The following AVEN variants were observed in gnomAD, a reference collection of about 807,000 sequenced individuals.
AVEN encodes apoptosis and caspase activation inhibitor, also known as cell death regulator Aven.
In AVEN, 41 loss-of-function variants were observed where a neutral mutation model predicts 38.1. That is an observed-to-expected ratio of 1.08 (90% CI 0.84 to 1.40). The LOEUF (loss-of-function observed/expected upper bound fraction) is 1.40. Among genes scored for constraint, AVEN ranks in the 40% most tolerant of loss-of-function variants. AVEN has a pLI of 0.00. For synonymous variants in AVEN, 206 were observed against 171.8 expected, an observed-to-expected ratio of 1.20 and a Z score of -1.56; for missense variants, 605 against 438.8, an observed-to-expected ratio of 1.38 and a Z score of -3.38.
At chr15:33,993,203 C>T (rs971703763) in intron 2 of AVEN, among the ~76,000 whole-genome samples, 8 of 152,124 alleles carry the variant, frequency 5.3e-5, no homozygotes, top group Admixed American at 2.0e-4. Context: ...TTACTTTTTA[C>T]GTTTGAAGGT....
Position 33,954,603 on chromosome 15 carries a change from G to A in AVEN, c.445+48429C>T, listed in dbSNP as rs552333616. Among the ~76,000 whole-genome samples, 88 of 144,522 alleles carry A rather than the reference G, an allele frequency of 6.1e-4. 1 individual carries two copies. Among genetic ancestry groups the A allele is most frequent in the Admixed American group, 5.9e-3 (83 of 14,116 alleles). 94.8% of individuals were successfully genotyped at this position (144,522 alleles called of 152,430 possible). On this transcript the variant is annotated intron_variant, in intron 2 of 5. Transcript: ENST00000306730. ...CACTCATAGGAGGGAATTGAACAAT[G>A]AGAACACTTGGACACAGGGTGGGGA... is the stretch of plus-strand genomic sequence containing the variant.
chr15:34,074,931 C>T (rs778474922), exon 1 of AVEN, among the ~76,000 whole-genome samples: 1 of 152,126 alleles, frequency 6.6e-6, no homozygotes, highest in African/African-American at 2.4e-5. Flanking sequence ...GTAATCCCAG[C>T]ACTTTGGGAG....
At chr15:34,019,695 T>C (rs1459974010) in intron 1 of AVEN, among the ~76,000 whole-genome samples, 2 of 152,232 alleles carry the variant, frequency 1.3e-5, no homozygotes, top group African/African-American at 4.8e-5. Context: ...TATAACTGTC[T>C]ACAGTATCCA....
intron 1 of AVEN, among the ~76,000 whole-genome samples, chr15:34,023,680 T>C (rs1898310232): frequency 6.6e-6 from 1 of 152,210 alleles, no homozygotes; most frequent in South Asian, 2.1e-4. Context: ...TGTAAGCCTC[T>C]GTTGCTTGCC....
At chr15:33,899,471 T>C (rs1892396018) in intron 2 of AVEN, among the ~76,000 whole-genome samples, 1 of 120,330 alleles carries the variant, frequency 8.3e-6, no homozygotes, top group African/African-American at 3.6e-5. Context: ...TTTTTTTTTT[T>C]TTTTTTTTTT....
chr15:34,015,379 G>A (rs529996794), intron 1 of AVEN, among the ~76,000 whole-genome samples: 74 of 152,224 alleles, frequency 4.9e-4, no homozygotes, highest in South Asian at 1.5e-3. Flanking sequence ...CTACTCGGGA[G>A]GCTGAGGCAG....
intron 2 of AVEN, among the ~76,000 whole-genome samples, chr15:33,876,417 C>A (rs1289989354): frequency 7.3e-6 from 1 of 137,232 alleles, no homozygotes; most frequent in Admixed American, 7.4e-5. Context: ...ACTAAAAATA[C>A]AAAAATTAGC....
chr15:33,928,550 C>A (rs583822), intron 2 of AVEN, among the ~76,000 whole-genome samples: 104,862 of 152,004 alleles, frequency 0.69, 36,180 homozygotes, highest in East Asian at 0.73. Context: ...GAGAAACAGT[C>A]AACAAGTAGA....
At position 33,878,894 on chromosome 15, in the gene AVEN, T is replaced by C. The variant is rs533526068; in HGVS notation, c.446-2899A>G. ...ATAGATTTTTTTAAAACTGTCCAAATTGCTGAATGCCTTATTCAGTGTTGT... is the reference window on the plus strand; with the variant it reads ...ATAGATTTTTTTAAAACTGTCCAAACTGCTGAATGCCTTATTCAGTGTTGT... On this transcript the variant is annotated intron_variant, in intron 2 of 5. Coordinates refer to ENST00000306730, the MANE Select transcript of AVEN (RefSeq NM_020371.3). Among the ~76,000 whole-genome samples, 86 of 152,264 alleles carry C rather than the reference T, an allele frequency of 5.6e-4. 1 individual carries two copies. In the Middle Eastern group the frequency reaches 0.017, roughly 30 times the overall value.
At chr15:33,965,737 A>G (rs1256460132) in intron 2 of AVEN, among the ~76,000 whole-genome samples, 1 of 152,084 alleles carries the variant, frequency 6.6e-6, no homozygotes. Context: ...TATATGTATC[A>G]AAGAAAACAT....
chr15:33,895,605 A>G (rs1054123851), intron 2 of AVEN, among the ~76,000 whole-genome samples: 1 of 152,076 alleles, frequency 6.6e-6, no homozygotes, highest in African/African-American at 2.4e-5. Context: ...AATTACAGGC[A>G]TGAGCCACCA....
chr15:33,926,419 G>A lies in AVEN; in HGVS notation c.446-50424C>T, dbSNP rs141367449. Among the ~76,000 whole-genome samples, 564 of 152,238 alleles carry A rather than the reference G, an allele frequency of 3.7e-3. 2 individuals are homozygous for A. The highest frequency in any genetic ancestry group is 0.013 in the African/African-American group (541 of 41,542). Reference sequence around the variant, plus strand: ...AGGATTTGAGAGGCAGTGCAGGGGCGGTCAGGAAGTGAACCGTGGAGTCTG... The same window carrying A: ...AGGATTTGAGAGGCAGTGCAGGGGCAGTCAGGAAGTGAACCGTGGAGTCTG... On this transcript the variant is annotated intron_variant, in intron 2 of 5. Transcript: ENST00000306730.
At chr15:33,980,308 T>G (rs1051990882) in intron 2 of AVEN, among the ~76,000 whole-genome samples, 13 of 152,158 alleles carry the variant, frequency 8.5e-5, no homozygotes, top group Non-Finnish European at 1.9e-4. Context: ...CAGCACACCT[T>G]TCAAGAATCA....
intron 1 of AVEN, among the ~76,000 whole-genome samples, chr15:34,011,922 T>C (rs920122852): frequency 3.3e-5 from 5 of 152,196 alleles, no homozygotes; most frequent in Admixed American, 3.3e-4. Context: ...GGAGTAACTT[T>C]TATTGGACTA....
chr15:34,038,999 G>A lies in AVEN; in HGVS notation c.48C>T (p.Gly16=). 8.9e-7 allele frequency: 1 copy of A among 1,120,424 alleles called. No homozygotes were observed. The allele number at this position is 1,120,424 out of a possible 1,614,324, so 69.4% of individuals were successfully genotyped here. ...GGCGATCTCCGCCAGGCCGGCCGCG[G>A]CCTGGCCGCCGCCCACGGCCTCCCC... ...GARGGRGRRP[G]RGRPGGDRHS... Residue 16 remains glycine (G), a synonymous_variant, in exon 1 of 6, where the codon GGC becomes GGT. Transcript: ENST00000306730.
At chr15:33,902,816 TA>T (rs1892543410) in intron 2 of AVEN, among the ~76,000 whole-genome samples, 1 of 151,950 alleles carries the variant, frequency 6.6e-6, no homozygotes, top group African/African-American at 2.4e-5. Context: ...TTTGATATCA[TA>T]AAAAATTCTT....
intron 1 of AVEN, among the ~76,000 whole-genome samples, chr15:34,035,956 C>T (rs1195572000): frequency 1.3e-5 from 2 of 152,034 alleles, no homozygotes; most frequent in Non-Finnish European, 2.9e-5. Flanking sequence ...CCGCCATGCT[C>T]GGCAGTTTTG....
intron 2 of AVEN, among the ~76,000 whole-genome samples, chr15:33,913,560 C>T (rs552311140): frequency 3.3e-5 from 5 of 152,036 alleles, no homozygotes; most frequent in African/African-American, 7.2e-5. Flanking sequence ...GACTAGCATC[C>T]GGGCTGAGTG....
At chr15:33,945,833 C>A (rs1361274118) in intron 2 of AVEN, among the ~76,000 whole-genome samples, 1 of 152,150 alleles carries the variant, frequency 6.6e-6, no homozygotes, top group Non-Finnish European at 1.5e-5. Context: ...GATCCGCCCA[C>A]CTTGGCCTCC....
Sources: allele counts gnomAD v4.1 joint callset (sites outside exome capture counted in the v4.1 genomes callset), GRCh38; gene constraint gnomAD v4.1.1; transcripts MANE v1.5; gene names NCBI Gene and HGNC (gene_info 2026-07-23, HGNC 2026-07-21).